KCNU1: variants seen among roughly 807,000 people sequenced by gnomAD.
KCNU1 encodes potassium channel subfamily U member 1.
In KCNU1, 93 loss-of-function variants were observed where a neutral mutation model predicts 126.8. The observed-to-expected ratio is 0.73, with a 90% CI of 0.62 to 0.87. The LOEUF is 0.87. Among genes scored for constraint, KCNU1 ranks in the 40% least tolerant of loss-of-function variants. The pLI is 0.00. For missense variants in KCNU1, 1,330 were observed against 1,367.1 expected, an observed-to-expected ratio of 0.97 and a Z score of 0.43; for synonymous variants, 523 against 494.2, an observed-to-expected ratio of 1.06 and a Z score of -0.77.
chr8:36,835,552 G>A (rs1804717824), intron 12 of KCNU1, among the ~76,000 whole-genome samples: 1 of 152,022 alleles, frequency 6.6e-6, no homozygotes, highest in Non-Finnish European at 1.5e-5. Flanking sequence ...TGTTGGTCAG[G>A]CTGGTCTTGA....
At chr8:36,829,274 T>C (rs1804441038) in intron 10 of KCNU1, among the ~76,000 whole-genome samples, 1 of 152,022 alleles carries the variant, frequency 6.6e-6, no homozygotes, top group Non-Finnish European at 1.5e-5. Flanking sequence ...TTTAATGTTA[T>C]TATAGTCAAA....
At chr8:36,879,257 T>A in intron 19 of KCNU1, among the ~76,000 whole-genome samples, 1 of 126,122 alleles carries the variant, frequency 7.9e-6, no homozygotes, top group Admixed American at 8.9e-5. Flanking sequence ...ATATATGAAA[T>A]ATATGAGATA....
intron 14 of KCNU1, 103 bp downstream of exon 14, chr8:36,837,048 C>G: frequency 9.2e-7 from 1 of 1,086,278 alleles, no homozygotes; most frequent in Non-Finnish European, 1.4e-6. Context: ...AGGCCCCAAG[C>G]AATGAGATAT....
intron 19 of KCNU1, among the ~76,000 whole-genome samples, 180 bp from the exon 20 acceptor site, chr8:36,905,528 G>C (rs1313573695): frequency 6.6e-6 from 1 of 150,982 alleles, no homozygotes; most frequent in Non-Finnish European, 1.5e-5. Context: ...CTATGATACA[G>C]TCTGGGCTCT....
At chr8:36,803,526 A>G (rs1278581565) in intron 2 of KCNU1, among the ~76,000 whole-genome samples, 1 of 152,082 alleles carries the variant, frequency 6.6e-6, no homozygotes, top group Non-Finnish European at 1.5e-5. Context: ...CATTTCCCCT[A>G]CTGTGAAAAT....
Position 36,923,972 on chromosome 8 carries a change from C to T in KCNU1, c.2736+1343C>T, listed in dbSNP as rs543921078. Among the ~76,000 whole-genome samples the T allele has an allele frequency of 7.2e-5, 11 of 152,282 alleles. No individual in the cohort carries two copies. In the East Asian group the frequency reaches 1.9e-3, roughly 27 times the overall value. Reference sequence around the variant, plus strand: ...AAATAACTGGGCAAAAGTGTAAGAACTAATAGTTGACAGGAGGCTTTAGAG... The same window carrying T: ...AAATAACTGGGCAAAAGTGTAAGAATTAATAGTTGACAGGAGGCTTTAGAG... On this transcript the variant is annotated intron_variant, in intron 24 of 26. Transcript: ENST00000399881.
rs200787072 is a variant in KCNU1, at chr8:36,935,391, GCAAAA to G, written c.3045-113_3045-109del. 1.4e-3 allele frequency: 1,000 copies of G among 724,532 alleles called. 9 individuals are homozygous for G. The African/African-American group carries it at 0.016, about 12-fold the overall frequency. 44.9% of individuals were successfully genotyped at this position (724,532 alleles called of 1,614,324 possible). A position where few individuals can be genotyped will look rare whatever the true frequency, so the allele number is the denominator to read the frequency against. ...TTACTATTAATCAGAAACCCATGAAGCAAAACAAAACAAAAACGTTTCCTCTTTGG... is the reference window on the plus strand; with the variant it reads ...TTACTATTAATCAGAAACCCATGAAGCAAAACAAAAACGTTTCCTCTTTGG... On this transcript the variant is annotated intron_variant, in intron 26 of 26. Transcript: ENST00000399881.
In KCNU1 at chr8:36,806,257, T is replaced by C. The variant is rs1330645765; in HGVS notation, c.469-12T>C. 1.3e-6 allele frequency: 2 copies of C among 1,565,394 alleles called. No homozygotes were observed. Among genetic ancestry groups the C allele is most frequent in the African/African-American group, 2.7e-5 (2 of 73,662 alleles). ...GTAACAGAATTTGTGTTATTCTGTT[T>C]CTATTTCATAGTTTATGGCAGCTGA... On this transcript the variant is annotated splice_polypyrimidine_tract_variant and intron_variant, in intron 4 of 26. Transcript: ENST00000399881.
chr8:36,859,726 A>G (rs1805659896), intron 18 of KCNU1, among the ~76,000 whole-genome samples: 1 of 152,356 alleles, frequency 6.6e-6, no homozygotes, highest in African/African-American at 2.4e-5. Flanking sequence ...GTGCTGGTTA[A>G]GAACATGAAT....
Position 36,927,792 on chromosome 8 carries a change from A to T in KCNU1, c.2737-3159A>T, listed in dbSNP as rs144916024. On this transcript the variant is annotated intron_variant, in intron 24 of 26. Transcript: ENST00000399881. ...AACATTTTCTAACATTGAAAGTCCA[A>T]GTTCCAGTAAATAAGATGATATTAG... Among the ~76,000 whole-genome samples, 1,048 of 152,254 alleles carry T rather than the reference A, an allele frequency of 6.9e-3. 16 individuals are homozygous for T. The highest frequency in any genetic ancestry group is 0.024 in the African/African-American group (993 of 41,556).
intron 22 of KCNU1, among the ~76,000 whole-genome samples, chr8:36,912,723 G>A (rs1377219760): frequency 2.6e-5 from 4 of 152,054 alleles, no homozygotes; most frequent in African/African-American, 7.2e-5. Context: ...TGTAATCCCA[G>A]CACTTTGGGA....
intron 19 of KCNU1, among the ~76,000 whole-genome samples, chr8:36,872,186 C>T (rs529526764): frequency 2.6e-5 from 4 of 152,254 alleles, no homozygotes; most frequent in African/African-American, 9.6e-5. Flanking sequence ...TTTGCAAAAA[C>T]AGAAGAATAA....
chr8:36,916,993 G>A (rs559390492), intron 22 of KCNU1, among the ~76,000 whole-genome samples: 1 of 152,086 alleles, frequency 6.6e-6, no homozygotes, highest in Non-Finnish European at 1.5e-5. Context: ...ACCTCTCTTT[G>A]GATTTCCCCT....
At chr8:36,805,829 G>A (rs900880884) in intron 4 of KCNU1, among the ~76,000 whole-genome samples, 2 of 151,918 alleles carry the variant, frequency 1.3e-5, no homozygotes, top group African/African-American at 4.8e-5. Flanking sequence ...TGTATATATA[G>A]GCATGCTATA....
At chr8:36,836,224 C>A in intron 12 of KCNU1, 72 bp from the exon 13 acceptor site, 1 of 951,020 alleles carries the variant, frequency 1.1e-6, no homozygotes, top group Non-Finnish European at 1.7e-6. Context: ...CAATTTAACT[C>A]TGAATTAAAT....
At chr8:36,803,477 C>G (rs569072536) in intron 2 of KCNU1, among the ~76,000 whole-genome samples, 1 of 150,290 alleles carries the variant, frequency 6.7e-6, no homozygotes, top group Non-Finnish European at 1.5e-5. Context: ...TACAGAGGCA[C>G]TGGCATGGTA....
At chr8:36,920,183 C>T (rs956833666) in intron 23 of KCNU1, among the ~76,000 whole-genome samples, 5 of 152,152 alleles carry the variant, frequency 3.3e-5, no homozygotes, top group Non-Finnish European at 5.9e-5. Flanking sequence ...GGTTCCATAA[C>T]TCACTCACTC....
At chr8:36,795,101 A>G (rs1246193207) in intron 2 of KCNU1, among the ~76,000 whole-genome samples, 1 of 152,208 alleles carries the variant, frequency 6.6e-6, no homozygotes, top group Non-Finnish European at 1.5e-5. Context: ...CCACAGGGCA[A>G]AAAAGGATTA....
At chr8:36,801,979 AGTGCCT>A (rs1323937438) in intron 2 of KCNU1, among the ~76,000 whole-genome samples, 2 of 151,784 alleles carry the variant, frequency 1.3e-5, no homozygotes, top group Non-Finnish European at 2.9e-5. Flanking sequence ...TATAGTGGCG[AGTGCCT>A]GTAATCCCAG....
Sources: gnomAD v4.1 joint callset for allele counts (sites outside exome capture counted in the v4.1 genomes callset) on GRCh38, gnomAD v4.1.1 for gene constraint, MANE v1.5 for transcripts, NCBI Gene and HGNC (gene_info 2026-07-23, HGNC 2026-07-21) for gene names.